The following PARD3B variants were observed in gnomAD, a reference collection of about 807,000 sequenced individuals.
PARD3B encodes the protein par-3 family cell polarity regulator beta.
PARD3B carries 103 observed loss-of-function variants against 130.2 expected under a neutral mutation model. The ratio of observed to expected loss-of-function variants is 0.79; its 90% CI spans 0.67 to 0.93. The LOEUF is 0.93. PARD3B is among the 40% of genes least tolerant of loss of function. The pLI, the probability that PARD3B is intolerant of heterozygous loss-of-function variation, is 0.00. For missense variants in PARD3B, 1,609 were observed against 1,499.2 expected (o/e 1.07, Z -1.21); for synonymous variants, 583 against 553.2 (o/e 1.05, Z -0.76).
At chr2:204,881,862 G>A (rs769155851) in intron 2 of PARD3B, among the ~76,000 whole-genome samples, 78 of 152,226 alleles carry the variant, frequency 5.1e-4, no homozygotes, top group Non-Finnish European at 8.2e-4. Context: ...GAGCTGCACA[G>A]GAGTGCTTTT....
chr2:204,997,124 T>G (rs1694291947), intron 3 of PARD3B, among the ~76,000 whole-genome samples: 1 of 152,220 alleles, frequency 6.6e-6, no homozygotes, highest in East Asian at 1.9e-4. Context: ...TTGTCATTCT[T>G]TCAATTCTTG....
At chr2:204,586,503 G>A (rs1308653457) in intron 1 of PARD3B, among the ~76,000 whole-genome samples, 1 of 152,226 alleles carries the variant, frequency 6.6e-6, no homozygotes, top group Non-Finnish European at 1.5e-5. Context: ...AGTTGTGGAG[G>A]CAGGGTTAGA....
At chr2:204,998,135 A>T (rs1336850579) in intron 3 of PARD3B, among the ~76,000 whole-genome samples, 1 of 149,084 alleles carries the variant, frequency 6.7e-6, no homozygotes, top group African/African-American at 2.4e-5. Context: ...TAGAGAAGAC[A>T]CGGGGAGGGG....
intron 10 of PARD3B, among the ~76,000 whole-genome samples, chr2:205,136,052 A>G (rs1377709075): frequency 2.0e-5 from 3 of 152,216 alleles, no homozygotes; most frequent in East Asian, 1.9e-4. Context: ...AACGAGTTCA[A>G]TGATGTTTCC....
chr2:205,171,666 G>T (rs1354179877), intron 11 of PARD3B, among the ~76,000 whole-genome samples: 1 of 152,154 alleles, frequency 6.6e-6, no homozygotes, highest in African/African-American at 2.4e-5. Flanking sequence ...TGGCAGACGA[G>T]CAACTTTGTG....
intron 1 of PARD3B, among the ~76,000 whole-genome samples, chr2:204,657,797 C>T (rs2035686524): frequency 6.6e-6 from 1 of 152,024 alleles, no homozygotes; most frequent in Non-Finnish European, 1.5e-5. Flanking sequence ...AATTTTTCTC[C>T]ATTACATTAT....
rs139316989 is a variant in PARD3B, at chr2:205,338,664, A to G, written c.2630+36963A>G. Among the ~76,000 whole-genome samples, 9 of 152,358 alleles carry G rather than the reference A, an allele frequency of 5.9e-5. No individual in the cohort carries two copies. The East Asian group carries it at 1.7e-3, about 29-fold the overall frequency. ...ATTCACAAGAATTCTGAAAGGATGT[A>G]TAATAATAAAATATTTTATCATGGA... On this transcript the variant is annotated intron_variant, in intron 18 of 22. Transcript: ENST00000406610.
intron 18 of PARD3B, among the ~76,000 whole-genome samples, chr2:205,322,976 T>A (rs915297002): frequency 7.5e-6 from 1 of 132,824 alleles, no homozygotes; most frequent in African/African-American, 2.8e-5. Flanking sequence ...AGAGGCATGA[T>A]CTCAGCTCAC....
chr2:204,701,944 T>A (rs1276434205), intron 2 of PARD3B, among the ~76,000 whole-genome samples: 2 of 152,134 alleles, frequency 1.3e-5, no homozygotes, highest in Non-Finnish European at 2.9e-5. Flanking sequence ...CATCTTTATG[T>A]CCATGAGTAC....
chr2:205,361,890 C>T (rs192973065), intron 18 of PARD3B, among the ~76,000 whole-genome samples: 100 of 152,254 alleles, frequency 6.6e-4, no homozygotes, highest in Non-Finnish European at 1.8e-4. Context: ...TCATCTTCTC[C>T]ACCCCCAGGC....
intron 3 of PARD3B, among the ~76,000 whole-genome samples, chr2:205,017,989 G>A (rs936323481): frequency 5.9e-5 from 9 of 152,166 alleles, no homozygotes; most frequent in Non-Finnish European, 1.2e-4. Flanking sequence ...GGAAGATAAA[G>A]TTCATTCCTC....
chr2:204,889,228 A>C (rs2046366591), intron 2 of PARD3B, among the ~76,000 whole-genome samples: 1 of 152,150 alleles, frequency 6.6e-6, no homozygotes, highest in Non-Finnish European at 1.5e-5. Context: ...CTCATCCTTT[A>C]CACCAATAAG....
intron 3 of PARD3B, among the ~76,000 whole-genome samples, chr2:205,001,392 T>A (rs1172950710): frequency 6.6e-6 from 1 of 152,238 alleles, no homozygotes; most frequent in African/African-American, 2.4e-5. Flanking sequence ...ATTCATCATT[T>A]GTGTTGGAAT....
intron 20 of PARD3B, among the ~76,000 whole-genome samples, chr2:205,483,003 A>T (rs1460677340): frequency 1.3e-5 from 2 of 151,968 alleles, no homozygotes; most frequent in East Asian, 3.9e-4. Context: ...AAGGGAGACA[A>T]GTAGGAGGGG....
chr2:204,642,061 G>A (rs527820374), intron 1 of PARD3B, among the ~76,000 whole-genome samples: 32 of 152,288 alleles, frequency 2.1e-4, no homozygotes, highest in African/African-American at 7.2e-4. Flanking sequence ...AAATTAAGTT[G>A]GTTCTAACAT....
intron 2 of PARD3B, among the ~76,000 whole-genome samples, chr2:204,758,102 G>A (rs1208931224): frequency 6.6e-6 from 1 of 152,128 alleles, no homozygotes; most frequent in Admixed American, 6.6e-5. Context: ...GCTTAGCAGA[G>A]GCCTCTTGGT....
chr2:204,991,490 G>A (rs1479534414), intron 3 of PARD3B, among the ~76,000 whole-genome samples: 2 of 141,334 alleles, frequency 1.4e-5, no homozygotes, highest in Admixed American at 7.2e-5. Flanking sequence ...TGGACATTTG[G>A]CTTGGTTCCA....
intron 11 of PARD3B, among the ~76,000 whole-genome samples, chr2:205,168,203 G>A (rs573111721): frequency 2.2e-4 from 33 of 151,966 alleles, no homozygotes; most frequent in African/African-American, 8.0e-4. Flanking sequence ...GTTATGGGGG[G>A]ATGCCAGAAG....
In PARD3B at chr2:205,540,640, T is replaced by C. The variant is rs142540464; in HGVS notation, c.3181-12684T>C. Among the ~76,000 whole-genome samples, 1,016 of 152,316 alleles carry C rather than the reference T, an allele frequency of 6.7e-3. 18 individuals carry two copies. Among genetic ancestry groups the C allele is most frequent in the African/African-American group, 0.023 (967 of 41,564 alleles). On this transcript the variant is annotated intron_variant, in intron 21 of 22. Transcript: ENST00000406610. ...TGTCATTATTTTGATTAAAAAGGTG[T>C]GTAGAAGCCACGGTGGATTTTCAGG...
Sources: allele counts gnomAD v4.1 joint callset (sites outside exome capture counted in the v4.1 genomes callset), GRCh38; gene constraint gnomAD v4.1.1; transcripts MANE v1.5; gene names NCBI Gene and HGNC (gene_info 2026-07-23, HGNC 2026-07-21).